Variants in CTPS2 observed in about 807,000 individuals in gnomAD.
CTPS2 encodes CTP synthase II.
In CTPS2, 19 loss-of-function variants were observed where a neutral mutation model predicts 46.8. The observed-to-expected ratio is 0.41, with a 90% CI of 0.28 to 0.60. CTPS2 has a LOEUF of 0.60. Among genes scored for constraint, CTPS2 ranks in the 20% least tolerant of loss-of-function variants. The pLI is 0.35. For missense variants in CTPS2, 286 were observed against 447.6 expected (o/e 0.64, Z 3.26); for synonymous variants, 151 against 165.2 (o/e 0.91, Z 0.66).
At chrX:16,602,442 C>G (rs1029558417) in intron 17 of CTPS2, among the ~76,000 whole-genome samples, 1 of 111,096 alleles carries the variant, frequency 9.0e-6, no homozygotes, top group African/African-American at 3.3e-5. Flanking sequence ...TGTCACCTCC[C>G]AAAATTTAGA....
intron 14 of CTPS2, among the ~76,000 whole-genome samples, chrX:16,629,276 G>A (rs956142450): frequency 7.1e-5 from 8 of 112,630 alleles, no homozygotes; most frequent in African/African-American, 1.3e-4. Context: ...TAACAAACAC[G>A]CTTTAGCGAA....
At chrX:16,709,340 A>G (rs1290725627) in intron 1 of CTPS2, among the ~76,000 whole-genome samples, 1 of 108,519 alleles carries the variant, frequency 9.2e-6, no homozygotes, top group Non-Finnish European at 1.9e-5. Flanking sequence ...AGGCACGAGA[A>G]TTGCTTGAAC....
intron 11 of CTPS2, among the ~76,000 whole-genome samples, chrX:16,668,750 AAAG>A (rs1921434073): frequency 3.3e-5 from 3 of 91,005 alleles, no homozygotes; most frequent in Admixed American, 1.2e-4. Flanking sequence ...AGAAAGAAAG[AAAG>A]AAGGAAGGAA....
At chrX:16,656,567 G>T (rs978443934) in intron 13 of CTPS2, among the ~76,000 whole-genome samples, 3 of 111,080 alleles carry the variant, frequency 2.7e-5, no homozygotes, top group South Asian at 7.6e-4. Context: ...CCGCCACCAC[G>T]CCCGGCTAAT....
intron 17 of CTPS2, among the ~76,000 whole-genome samples, chrX:16,598,832 C>T (rs1456031328): frequency 1.8e-5 from 2 of 111,429 alleles, no homozygotes; most frequent in Non-Finnish European, 3.8e-5. Context: ...AAACCGAATC[C>T]AGCAGCACAT....
At chrX:16,685,989 G>A (rs1377704202) in intron 8 of CTPS2, among the ~76,000 whole-genome samples, 1 of 110,157 alleles carries the variant, frequency 9.1e-6, no homozygotes, top group Non-Finnish European at 1.9e-5. Context: ...CCTCTGAGCA[G>A]CACTGGGCCT....
At chrX:16,698,413 C>A (rs371643339) in intron 3 of CTPS2, 77 bp from the exon 4 acceptor site, 4 of 655,639 alleles carry the variant, frequency 6.1e-6, no homozygotes, top group South Asian at 3.0e-5. Flanking sequence ...TCCCCAATCA[C>A]CTGAAAGTCA....
intron 8 of CTPS2, among the ~76,000 whole-genome samples, 165 bp downstream of exon 8, chrX:16,689,285 T>G (rs1378840859): frequency 8.9e-6 from 1 of 111,861 alleles, no homozygotes; most frequent in Non-Finnish European, 1.9e-5. Context: ...CTTCAAATAA[T>G]ACAGCAAAGC....
At chrX:16,618,836 T>A (rs903321890) in intron 15 of CTPS2, among the ~76,000 whole-genome samples, 7 of 112,247 alleles carry the variant, frequency 6.2e-5, no homozygotes, top group African/African-American at 2.3e-4. Flanking sequence ...AAGTCCCTTA[T>A]CCAATACAGG....
chrX:16,591,969 G>A (rs995457176), intron 17 of CTPS2, among the ~76,000 whole-genome samples: 2 of 111,729 alleles, frequency 1.8e-5, no homozygotes, highest in African/African-American at 3.3e-5. Flanking sequence ...TCTTCATCAG[G>A]TCTGTTTTAG....
intron 13 of CTPS2, among the ~76,000 whole-genome samples, chrX:16,659,193 A>G (rs1932886215): frequency 9.0e-6 from 1 of 111,487 alleles, no homozygotes; most frequent in Admixed American, 9.6e-5. Context: ...TCGCAGAGTT[A>G]ATATACATTA....
At chrX:16,657,662 C>G (rs1932852383) in intron 13 of CTPS2, among the ~76,000 whole-genome samples, 1 of 111,608 alleles carries the variant, frequency 9.0e-6, no homozygotes, top group South Asian at 3.8e-4. Context: ...GATGTGTGTC[C>G]TATCAAAAAG....
chrX:16,693,227 GA>G lies in CTPS2; in HGVS notation c.556-4del, dbSNP rs750191836. ...TTTTGTTCTCCGGTAGCACTGAGCT[GA>G]AAAAAAATGGGGTCCCGTCAGCACA... On this transcript the variant is annotated splice_region_variant and splice_polypyrimidine_tract_variant and intron_variant, in intron 5 of 18. Coordinates refer to ENST00000359276, the MANE Select transcript of CTPS2 (RefSeq NM_175859.3). 1.2e-5 allele frequency: 14 copies of G among 1,198,306 alleles called. No homozygotes were observed. The highest frequency in any genetic ancestry group is 1.8e-5 in the South Asian group (1 of 56,477).
At chrX:16,596,089 G>C (rs1929237208) in intron 17 of CTPS2, among the ~76,000 whole-genome samples, 1 of 111,228 alleles carries the variant, frequency 9.0e-6, no homozygotes, top group Admixed American at 9.5e-5. Flanking sequence ...GCCCAGGCTG[G>C]CCTAGAACTC....
chrX:16,590,069 G>A (rs936227272), intron 18 of CTPS2, among the ~76,000 whole-genome samples: 4 of 112,348 alleles, frequency 3.6e-5, no homozygotes, highest in Non-Finnish European at 3.8e-5. Flanking sequence ...ATCTGCCACT[G>A]AGCATAAATT....
rs760921283 is a variant in CTPS2 at position 16,645,845 on chromosome X, G to A, written c.1297-6602C>T. 2.6e-4 allele frequency among the ~76,000 whole-genome samples: 29 copies of A among 112,404 alleles called. No homozygotes were observed. The South Asian group carries it at 7.3e-3, about 28-fold the overall frequency. On this transcript the variant is annotated intron_variant, in intron 13 of 18. Transcript: ENST00000359276. ...GAATGGGTTAGTTATCATGGGAATG[G>A]GTTCCTGGTAAAAGGATGAGTTCAG... is the stretch of plus-strand genomic sequence containing the variant.
chrX:16,674,731 G>A (rs12013754), intron 10 of CTPS2, among the ~76,000 whole-genome samples: 1,138 of 107,029 alleles, frequency 0.011, 15 homozygotes, highest in African/African-American at 0.038. Context: ...CCAGCTACTC[G>A]GGAGGCTGAG....
At chrX:16,651,307 C>G (rs1217879780) in intron 13 of CTPS2, among the ~76,000 whole-genome samples, 1 of 111,219 alleles carries the variant, frequency 9.0e-6, no homozygotes, top group Non-Finnish European at 1.9e-5. Context: ...AAGGCAAGCT[C>G]TCAGAAAACA....
At chrX:16,606,159 G>A (rs1410975418) in intron 17 of CTPS2, among the ~76,000 whole-genome samples, 5 of 112,606 alleles carry the variant, frequency 4.4e-5, no homozygotes, top group African/African-American at 9.7e-5. Flanking sequence ...GGCCGTACAC[G>A]TGCCATACAA....
Sources: allele counts gnomAD v4.1 joint callset (sites outside exome capture counted in the v4.1 genomes callset), GRCh38; gene constraint gnomAD v4.1.1; transcripts MANE v1.5; gene names NCBI Gene and HGNC (gene_info 2026-07-23, HGNC 2026-07-21).